The following SKAP1 variants were observed in gnomAD, a reference collection of about 807,000 sequenced individuals.
The protein encoded by SKAP1 is src kinase associated phosphoprotein 1.
A neutral mutation model predicts 58.5 loss-of-function variants in SKAP1; 44 were observed. That is an observed-to-expected ratio of 0.75 (90% CI 0.59 to 0.97). SKAP1 has a LOEUF of 0.97. Among genes scored for constraint, SKAP1 ranks in the 50% least tolerant of loss-of-function variants. The probability of loss-of-function intolerance (pLI) is 0.00; values close to 1 mark genes in which losing one functional copy is unlikely to be tolerated. For missense variants in SKAP1, 390 were observed against 435.2 expected (o/e 0.90, Z 0.92); for synonymous variants, 127 against 149.7 (o/e 0.85, Z 1.11).
intron 4 of SKAP1, among the ~76,000 whole-genome samples, chr17:48,268,504 T>G (rs201972173): frequency 6.8e-6 from 1 of 147,498 alleles, no homozygotes; most frequent in East Asian, 2.0e-4. Flanking sequence ...TTTTTTTTTG[T>G]TTTTTTTGAG....
At chr17:48,198,512 C>T (rs55982346) in intron 4 of SKAP1, among the ~76,000 whole-genome samples, 82,270 of 147,386 alleles carry the variant, frequency 0.56, 23,869 homozygotes, top group East Asian at 0.77. Flanking sequence ...AACAATACCA[C>T]TCACTGCATT....
At chr17:48,417,224 C>T (rs1293420476) in intron 1 of SKAP1, among the ~76,000 whole-genome samples, 1 of 152,098 alleles carries the variant, frequency 6.6e-6, no homozygotes, top group Non-Finnish European at 1.5e-5. Flanking sequence ...ACTGTGTTTG[C>T]CCCATGACCT....
chr17:48,292,290 A>G (rs928758843), intron 4 of SKAP1, among the ~76,000 whole-genome samples: 2 of 152,132 alleles, frequency 1.3e-5, no homozygotes, highest in Non-Finnish European at 2.9e-5. Flanking sequence ...TCATTGGTCA[A>G]TCGTTTAGTC....
chr17:48,211,077 T>A (rs1016244560), intron 4 of SKAP1, among the ~76,000 whole-genome samples: 2 of 152,128 alleles, frequency 1.3e-5, no homozygotes, highest in African/African-American at 4.8e-5. Flanking sequence ...GAAAAAGAGT[T>A]TTGCATCTTG....
At chr17:48,214,782 C>T (rs1033792251) in intron 4 of SKAP1, among the ~76,000 whole-genome samples, 8 of 151,200 alleles carry the variant, frequency 5.3e-5, no homozygotes, top group Non-Finnish European at 1.2e-4. Context: ...ATTAGCCAGG[C>T]ATAGTGGTGC....
chr17:48,190,880 G>T (rs911282686), intron 4 of SKAP1, among the ~76,000 whole-genome samples: 3 of 152,190 alleles, frequency 2.0e-5, no homozygotes, highest in Non-Finnish European at 2.9e-5. Context: ...AGCTACTCGG[G>T]AGGATGAGGC....
At chr17:48,174,144 T>G (rs895313203) in intron 9 of SKAP1, among the ~76,000 whole-genome samples, 3 of 151,872 alleles carry the variant, frequency 2.0e-5, no homozygotes. Context: ...TGGAATCAAC[T>G]AGAAAGAAAA....
intron 4 of SKAP1, among the ~76,000 whole-genome samples, chr17:48,274,762 G>A (rs1290611144): frequency 6.6e-6 from 1 of 151,798 alleles, no homozygotes; most frequent in African/African-American, 2.4e-5. Flanking sequence ...ACCTGGTCTT[G>A]AACTTCTGGC....
chr17:48,321,629 C>T (rs1281521563), intron 4 of SKAP1, among the ~76,000 whole-genome samples: 1 of 152,058 alleles, frequency 6.6e-6, no homozygotes, highest in African/African-American at 2.4e-5. Flanking sequence ...CCGCCAGCCT[C>T]GGCCTCCCAA....
intron 1 of SKAP1, among the ~76,000 whole-genome samples, chr17:48,401,819 C>A (rs77003509): frequency 5.3e-5 from 8 of 151,842 alleles, no homozygotes; most frequent in Non-Finnish European, 1.0e-4. Context: ...AGAAGGCCAA[C>A]AAGAAAGCAA....
At chr17:48,192,246 C>T (rs1436916002) in intron 4 of SKAP1, among the ~76,000 whole-genome samples, 2 of 151,686 alleles carry the variant, frequency 1.3e-5, no homozygotes, top group East Asian at 1.9e-4. Context: ...GAGGAAAACA[C>T]GATCCCATAA....
intron 4 of SKAP1, among the ~76,000 whole-genome samples, chr17:48,202,915 T>C (rs184737517): frequency 3.1e-3 from 468 of 152,358 alleles, no homozygotes; most frequent in Non-Finnish European, 4.9e-3. Flanking sequence ...TTTGTCTGTC[T>C]GTCTTTATTG....
chr17:48,297,957 G>T (rs932019375), intron 4 of SKAP1, among the ~76,000 whole-genome samples: 3 of 152,106 alleles, frequency 2.0e-5, no homozygotes, highest in African/African-American at 4.8e-5. Context: ...TTAGTTTAAG[G>T]CACCTGAACC....
intron 1 of SKAP1, among the ~76,000 whole-genome samples, chr17:48,409,397 G>T (rs756646878): frequency 1.7e-4 from 26 of 152,196 alleles, no homozygotes; most frequent in Admixed American, 5.2e-4. Context: ...GGGTATGGTG[G>T]CTCACGCCTA....
At chr17:48,321,408 C>T (rs1040559817) in intron 4 of SKAP1, among the ~76,000 whole-genome samples, 7 of 149,288 alleles carry the variant, frequency 4.7e-5, no homozygotes, top group Non-Finnish European at 8.9e-5. Flanking sequence ...GATAGAGTCT[C>T]GCTCTGTCAC....
chr17:48,204,093 T>C (rs552538627), intron 4 of SKAP1: 1 of 152,152 alleles, frequency 6.6e-6, no homozygotes, highest in Admixed American at 6.6e-5. Flanking sequence ...TTCTTTTTTT[T>C]TTTTTTTGAG....
Position 48,360,141 on chromosome 17 carries a change from A to AT in SKAP1, c.178+3647dup, listed in dbSNP as rs1473473124. ...CAAATGTAATGTGAGTGACCACTGG[A>AT]TAAAAAAAAGATATTATTCTATATA... On this transcript the variant is annotated intron_variant, in intron 3 of 12. Coordinates refer to ENST00000336915, the MANE Select transcript of SKAP1 (RefSeq NM_003726.4). 2.0e-5 allele frequency among the ~76,000 whole-genome samples: 3 copies of AT among 152,302 alleles called. No homozygotes were observed. In the East Asian group the frequency reaches 5.8e-4, roughly 29 times the overall value.
At chr17:48,213,143 A>G (rs2143684977) in intron 4 of SKAP1, among the ~76,000 whole-genome samples, 1 of 152,204 alleles carries the variant, frequency 6.6e-6, no homozygotes, top group African/African-American at 2.4e-5. Context: ...GGAGCTCGAG[A>G]CCAGCCTGAC....
chr17:48,237,094 C>T (rs1368597230), intron 4 of SKAP1, among the ~76,000 whole-genome samples: 2 of 152,218 alleles, frequency 1.3e-5, no homozygotes, highest in African/African-American at 4.8e-5. Flanking sequence ...TTCTTTCTGA[C>T]TCCAGAAACC....
Sources: gnomAD v4.1 joint callset for allele counts (sites outside exome capture counted in the v4.1 genomes callset) on GRCh38, gnomAD v4.1.1 for gene constraint, MANE v1.5 for transcripts, NCBI Gene and HGNC (gene_info 2026-07-23, HGNC 2026-07-21) for gene names.